The following STPG4 variants were observed in gnomAD, a reference collection of about 807,000 sequenced individuals.
The protein encoded by STPG4 is sperm-tail PG-rich repeat containing 4, also known as protein STPG4.
In STPG4, 41 loss-of-function variants were observed where a neutral mutation model predicts 31.5. The ratio of observed to expected loss-of-function variants is 1.30; its 90% CI spans 1.01 to 1.69. The LOEUF (loss-of-function observed/expected upper bound fraction) is 1.69, where lower values mean the gene tolerates loss of function less well. Ranked by LOEUF, STPG4 falls within the 40% of genes most tolerant of loss-of-function variation. STPG4 has a pLI of 0.00. For synonymous variants in STPG4, 141 were observed against 103.0 expected (o/e 1.37, Z -2.24); for missense variants, 375 against 293.4 (o/e 1.28, Z -2.03).
At chr2:47,143,055 G>A (rs1446884455) in intron 3 of STPG4, among the ~76,000 whole-genome samples, 1 of 151,878 alleles carries the variant, frequency 6.6e-6, no homozygotes, top group Non-Finnish European at 1.5e-5. Context: ...GGCCAGGCTG[G>A]TCTTAGGTGA....
At chr2:47,110,740 C>T (rs1313444788) in intron 5 of STPG4, among the ~76,000 whole-genome samples, 1 of 152,192 alleles carries the variant, frequency 6.6e-6, no homozygotes, top group Admixed American at 6.5e-5. Flanking sequence ...ATTTTTCTGA[C>T]ATTAATCACA....
At chr2:47,126,004 G>T (rs553189241) in intron 5 of STPG4, among the ~76,000 whole-genome samples, 6 of 152,170 alleles carry the variant, frequency 3.9e-5, no homozygotes, top group African/African-American at 1.4e-4. Flanking sequence ...TGTATTCTTG[G>T]CACCTGTGTC....
chr2:47,106,243 T>C (rs1024389053), intron 5 of STPG4, among the ~76,000 whole-genome samples: 5 of 151,990 alleles, frequency 3.3e-5, no homozygotes, highest in South Asian at 2.1e-4. Context: ...ATGTGGAACA[T>C]TGACCTATAT....
chr2:47,095,188 G>C (rs774049908), intron 5 of STPG4, among the ~76,000 whole-genome samples: 15 of 152,168 alleles, frequency 9.9e-5, no homozygotes, highest in Non-Finnish European at 2.1e-4. Context: ...TTATGAATTT[G>C]GAGTTCCCGG....
chr2:47,100,602 T>C (rs1685776453), intron 5 of STPG4, among the ~76,000 whole-genome samples: 1 of 150,906 alleles, frequency 6.6e-6, no homozygotes. Context: ...TGTGGAAGCT[T>C]TGTTCTTTCG....
chr2:47,121,732 GATC>G (rs1686275104), intron 5 of STPG4, among the ~76,000 whole-genome samples: 2 of 152,164 alleles, frequency 1.3e-5, no homozygotes, highest in Admixed American at 1.3e-4. Flanking sequence ...CCCTCCAGAG[GATC>G]TAAGGGAGAA....
At chr2:47,141,615 T>C (rs1534110) in intron 3 of STPG4, among the ~76,000 whole-genome samples, 106,471 of 151,566 alleles carry the variant, frequency 0.7, 38,704 homozygotes, top group East Asian at 0.92. Flanking sequence ...TGAGTGCTAC[T>C]TTTTTTCATT....
chr2:47,134,501 T>C (rs1267002852), intron 3 of STPG4, among the ~76,000 whole-genome samples: 1 of 152,270 alleles, frequency 6.6e-6, no homozygotes, highest in African/African-American at 2.4e-5. Flanking sequence ...GATATGCATT[T>C]ATGTTTCCTC....
chr2:47,099,943 C>T (rs893186147), intron 5 of STPG4, among the ~76,000 whole-genome samples: 5 of 152,158 alleles, frequency 3.3e-5, no homozygotes, highest in African/African-American at 1.2e-4. Flanking sequence ...TGCTCAGTTT[C>T]TCGCTGGGTC....
At chr2:47,117,930 A>ATTTTT (rs112745155) in intron 5 of STPG4, among the ~76,000 whole-genome samples, 1 of 117,570 alleles carries the variant, frequency 8.5e-6, no homozygotes, top group African/African-American at 3.8e-5. Flanking sequence ...ATATATATAT[A>ATTTTT]TTTTTTTTTT....
intron 5 of STPG4, among the ~76,000 whole-genome samples, chr2:47,117,940 T>A (rs947310119): frequency 2.7e-5 from 4 of 148,100 alleles, no homozygotes; most frequent in East Asian, 2.0e-4. Context: ...ATTTTTTTTT[T>A]AATAGAGATG....
At chr2:47,133,094 T>C (rs1686520452) in intron 3 of STPG4, among the ~76,000 whole-genome samples, 1 of 152,170 alleles carries the variant, frequency 6.6e-6, no homozygotes, top group African/African-American at 2.4e-5. Flanking sequence ...ATTGCTAAAC[T>C]TGGTTCCATT....
At chr2:47,136,248 C>T (rs377553248) in intron 3 of STPG4, among the ~76,000 whole-genome samples, 6 of 152,178 alleles carry the variant, frequency 3.9e-5, no homozygotes, top group Non-Finnish European at 7.4e-5. Flanking sequence ...CAGGTTCAAG[C>T]GATTGTCCTG....
chr2:47,120,233 A>T (rs1048038403), intron 5 of STPG4, among the ~76,000 whole-genome samples: 1 of 152,210 alleles, frequency 6.6e-6, no homozygotes, highest in Non-Finnish European at 1.5e-5. Flanking sequence ...AGGGAGGCTG[A>T]GGCAGGAGAA....
At chr2:47,133,354 T>C (rs1335440054) in intron 3 of STPG4, among the ~76,000 whole-genome samples, 1 of 151,106 alleles carries the variant, frequency 6.6e-6, no homozygotes, top group Non-Finnish European at 1.5e-5. Flanking sequence ...TATTGTAGAG[T>C]TGAGATCTCA....
intron 5 of STPG4, among the ~76,000 whole-genome samples, chr2:47,099,863 G>T (rs1024950094): frequency 1.3e-5 from 2 of 152,216 alleles, no homozygotes; most frequent in Admixed American, 6.5e-5. Context: ...GCAATGAGGG[G>T]CTTAGCACCC....
intron 5 of STPG4, among the ~76,000 whole-genome samples, chr2:47,100,471 G>A (rs944912379): frequency 1.2e-4 from 18 of 148,728 alleles, no homozygotes; most frequent in Non-Finnish European, 2.2e-4. Context: ...ACCAATCAGC[G>A]CCCTGTCAAA....
chr2:47,154,431 T>G (rs556324061), intron 1 of STPG4, among the ~76,000 whole-genome samples: 3 of 151,090 alleles, frequency 2.0e-5, no homozygotes, highest in Non-Finnish European at 4.4e-5. Context: ...ACGCGATCAA[T>G]CTAATGGAAG....
intron 3 of STPG4, among the ~76,000 whole-genome samples, chr2:47,144,167 GA>G (rs779660081): frequency 1.5e-4 from 23 of 152,192 alleles, no homozygotes; most frequent in Non-Finnish European, 2.9e-4. Context: ...GTTTCTAGTT[GA>G]AAATATAAAT....
Sources: allele counts gnomAD v4.1 joint callset (sites outside exome capture counted in the v4.1 genomes callset), GRCh38; gene constraint gnomAD v4.1.1; transcripts MANE v1.5; gene names NCBI Gene and HGNC (gene_info 2026-07-23, HGNC 2026-07-21).